The following EPO variants were observed in gnomAD, a reference collection of about 807,000 sequenced individuals.
EPO encodes the protein erythropoietin, also known as epoetin.
In EPO, 12 loss-of-function variants were observed where a neutral mutation model predicts 24.4. The ratio of observed to expected loss-of-function variants is 0.49; its 90% CI spans 0.32 to 0.80. The LOEUF is 0.80. EPO is among the 30% of genes least tolerant of loss of function. The probability of loss-of-function intolerance (pLI) is 0.04; values close to 1 mark genes in which losing one functional copy is unlikely to be tolerated. For synonymous variants in EPO, 107 were observed against 104.0 expected (o/e 1.03, Z -0.18); for missense variants, 210 against 238.0 (o/e 0.88, Z 0.77).
At position 100,720,883 on chromosome 7, in the gene EPO, G is replaced by A. The variant is rs1244211125; in HGVS notation, c.-98G>A. The A allele has an allele frequency of 2.9e-6, 4 of 1,379,368 alleles. No homozygotes were observed. Among genetic ancestry groups the A allele is most frequent in the Non-Finnish European group, 2.8e-6 (3 of 1,059,904 alleles). The allele number at this position is 1,379,368 out of a possible 1,614,324, so 85.4% of individuals were successfully genotyped here. A position where few individuals can be genotyped will look rare whatever the true frequency, so the allele number is the denominator to read the frequency against. On this transcript the variant is annotated 5_prime_UTR_variant, in exon 1 of 5. Coordinates refer to ENST00000252723, the MANE Select transcript of EPO (RefSeq NM_000799.4). ...AGCCGCCCTCTCCTCCAGGCCCGTG[G>A]GGCTGGCCCTGCACCGCCGAGCTTC...
At position 100,722,512 on chromosome 7, in the gene EPO, C is replaced by G. The variant is rs112363946; in HGVS notation, c.247-152C>G. 24 of 15,140 alleles carry G rather than the reference C, an allele frequency of 1.6e-3. 5 individuals carry two copies. The highest frequency in any genetic ancestry group is 2.7e-3 in the Admixed American group (1 of 376). The allele number at this position is 15,140 out of a possible 1,614,324, so 0.9% of individuals were successfully genotyped here. A position where few individuals can be genotyped will look rare whatever the true frequency, so the allele number is the denominator to read the frequency against. On this transcript the variant is annotated intron_variant, in intron 3 of 4. Coordinates refer to ENST00000252723, the MANE Select transcript of EPO (RefSeq NM_000799.4). ...ATGGAATACATTCATTATTCATTCACTCACTCACTCACTCACTCATTCATT... is the reference window on the plus strand; with the variant it reads ...ATGGAATACATTCATTATTCATTCAGTCACTCACTCACTCACTCATTCATT...
Position 100,721,442 on chromosome 7 carries a change from A to T in EPO, c.14-116A>T. Reference sequence around the variant, plus strand: ...AGGGAGGCAGCACCTGAGTGCTTGCATGGTTGGGGACAGGAAGGACGAGCT... The same window carrying T: ...AGGGAGGCAGCACCTGAGTGCTTGCTTGGTTGGGGACAGGAAGGACGAGCT... On this transcript the variant is annotated intron_variant, in intron 1 of 4. Transcript: ENST00000252723. The surrounding 1 kb of genome is among the most constrained non-coding windows in gnomAD (Gnocchi z 4.0). The T allele has an allele frequency of 7.2e-7, 1 of 1,383,612 alleles. No homozygotes were observed. Among genetic ancestry groups the T allele is most frequent in the Non-Finnish European group, 9.8e-7 (1 of 1,021,522 alleles). The allele number at this position is 1,383,612 out of a possible 1,614,324, so 85.7% of individuals were successfully genotyped here.
chr7:100,721,702 C>G lies in EPO; in HGVS notation c.158C>G (p.Thr53Arg), dbSNP rs773895305. Residue 53 changes from threonine to arginine, a missense_variant and splice_region_variant, in exon 2 of 5, where the codon ACG (threonine) becomes AGG (arginine). Transcript: ENST00000252723. The surrounding 1 kb of genome is among the most constrained non-coding windows in gnomAD (Gnocchi z 4.0). ...GAGGCCAAGGAGGCCGAGAATATCA[C>G]GGTGAGACCCCTTCCCCAGCACATT... is the stretch of plus-strand genomic sequence containing the variant. Reference protein sequence around the residue: ...LLEAKEAENITTGCAEHCSLN... With the variant: ...LLEAKEAENIRTGCAEHCSLN... 6.2e-7 allele frequency: 1 copy of G among 1,608,106 alleles called. No homozygotes were observed. Among genetic ancestry groups the G allele is most frequent in the Admixed American group, 1.7e-5 (1 of 59,888 alleles).
chr7:100,722,762 G>C lies in EPO; in HGVS notation c.345G>C (p.Trp115Cys). ...TGTTGGTCAACTCTTCCCAGCCGTG[G>C]GAGCCCCTGCAGCTGCATGTGGATA... is the stretch of plus-strand genomic sequence containing the variant. ...QALLVNSSQP[W>C]EPLQLHVDKA... is the part of the protein sequence containing the mutation. The change falls in exon 4 of 5, where the codon TGG becomes TGC. Residue 115 changes from tryptophan to cysteine, a missense_variant. Physicochemically the swap from Trp to Cys is radical, Grantham distance 215. Transcript: ENST00000252723. 6.2e-7 allele frequency: 1 copy of C among 1,614,028 alleles called. No homozygotes were observed. Among genetic ancestry groups the C allele is most frequent in the Non-Finnish European group, 8.5e-7 (1 of 1,179,984 alleles).
At position 100,721,527 on chromosome 7, in the gene EPO, G is replaced by A. The variant is rs758615230; in HGVS notation, c.14-31G>A. On this transcript the variant is annotated intron_variant, in intron 1 of 4. Transcript: ENST00000252723. This position sits in a 1 kb window ranked among gnomAD's most constrained non-coding sequence, Gnocchi z 4.0. ...TCCACAGCCACCCTTCTCCCTCCCC[G>A]CCTGACTCTCAGCCTGGCTATCTGT... is the stretch of plus-strand genomic sequence containing the variant. 31 of 1,607,112 alleles carry A rather than the reference G, an allele frequency of 1.9e-5. No homozygotes were observed. The highest frequency in any genetic ancestry group is 2.1e-5 in the Non-Finnish European group (25 of 1,176,000).
chr7:100,721,151 C>T lies in EPO; in HGVS notation c.13+158C>T, dbSNP rs900938585. Among the ~76,000 whole-genome samples the T allele has an allele frequency of 5.9e-5, 9 of 152,138 alleles. No individual in the cohort carries two copies. The South Asian group carries it at 1.2e-3, about 21-fold the overall frequency. On this transcript the variant is annotated intron_variant, in intron 1 of 4. Coordinates refer to ENST00000252723, the MANE Select transcript of EPO (RefSeq NM_000799.4). The surrounding 1 kb of genome is among the most constrained non-coding windows in gnomAD (Gnocchi z 4.0). ...GGGGGGTGGGGCAGCCTCCACGTGC[C>T]AGCGGGGACTTGGGGGAGTCCTTGG...
Position 100,723,402 on chromosome 7 carries a change from T to C in EPO, c.*269T>C, listed in dbSNP as rs1252847022. 2.7e-6 allele frequency: 1 copy of C among 368,386 alleles called. No individual in the cohort carries two copies. Among genetic ancestry groups the C allele is most frequent in the Non-Finnish European group, 4.9e-6 (1 of 203,158 alleles). The allele number at this position is 368,386 out of a possible 1,614,324, so 22.8% of individuals were successfully genotyped here. On this transcript the variant is annotated 3_prime_UTR_variant, in exon 5 of 5. Transcript: ENST00000252723. ...AGCTTTAAACTCAGGGACAGAGCCA[T>C]GCTGGGAAGACGCCTGAGCTCACTC...
At position 100,721,944 on chromosome 7, in the gene EPO, G is replaced by T; in HGVS notation, c.160-18G>T. On this transcript the variant is annotated intron_variant, in intron 2 of 4. Coordinates refer to ENST00000252723, the MANE Select transcript of EPO (RefSeq NM_000799.4). This position sits in a 1 kb window ranked among gnomAD's most constrained non-coding sequence, Gnocchi z 4.0. The stretch of plus-strand genomic sequence containing the variant: ...AGCCTTCAGGGACCCTTGACTCCCC[G>T]GGCTGTGTGCATTTCAGACGGGCTG... The T allele has an allele frequency of 1.2e-6, 2 of 1,601,614 alleles. No individual in the cohort carries two copies.
At position 100,721,783 on chromosome 7, in the gene EPO, C is replaced by T; in HGVS notation, c.159+80C>T. ...ACTCCTCCCAGATCCAGGAACCTGG[C>T]ACTTGGTTTGGGGTGGAGTTGGGAA... On this transcript the variant is annotated intron_variant, in intron 2 of 4. Coordinates refer to ENST00000252723, the MANE Select transcript of EPO (RefSeq NM_000799.4). This position sits in a 1 kb window ranked among gnomAD's most constrained non-coding sequence, Gnocchi z 4.0. 6.5e-7 allele frequency: 1 copy of T among 1,544,974 alleles called. No individual in the cohort carries two copies. Among genetic ancestry groups the T allele is most frequent in the Non-Finnish European group, 8.7e-7 (1 of 1,149,960 alleles).
In EPO at chr7:100,723,160, A is replaced by T; in HGVS notation, c.*27A>T. ...CAGGTGTGTCCACCTGGGCATATCC[A>T]CCACCTCCCTCACCAACATTGCTTG... On this transcript the variant is annotated 3_prime_UTR_variant, in exon 5 of 5. Transcript: ENST00000252723. 1 of 1,598,846 alleles carries T rather than the reference A, an allele frequency of 6.3e-7. No homozygotes were observed. Among genetic ancestry groups the T allele is most frequent in the South Asian group, 1.1e-5 (1 of 88,968 alleles).
rs1462635854 is a variant in EPO at position 100,723,105 on chromosome 7, G to A, written c.554G>A (p.Gly185Glu). The change falls in exon 5 of 5, where the codon GGG becomes GAG. Residue 185 changes from glycine to glutamate, a missense_variant. Transcript: ENST00000252723. ...FLRGKLKLYT[G>E]EACRTGDR ...CGGGGAAAGCTGAAGCTGTACACAG[G>A]GGAGGCCTGCAGGACAGGGGACAGA... The A allele has an allele frequency of 6.2e-6, 10 of 1,614,104 alleles. No homozygotes were observed. Among genetic ancestry groups the A allele is most frequent in the Non-Finnish European group, 6.8e-6 (8 of 1,180,036 alleles).
rs914950945 is a variant in EPO, at chr7:100,720,738, G to C, written c.-243G>C. On this transcript the variant is annotated 5_prime_UTR_variant, in exon 1 of 5. Coordinates refer to ENST00000252723, the MANE Select transcript of EPO (RefSeq NM_000799.4). ...AGATAACAGCCCCGACCCCCGGCCA[G>C]AGCCGCAGAGTCCCTGGGCCACCCC... 5.1e-5 allele frequency: 18 copies of C among 353,478 alleles called. No individual in the cohort carries two copies. Among genetic ancestry groups the C allele is most frequent in the Non-Finnish European group, 7.9e-5 (16 of 202,924 alleles). The allele number at this position is 353,478 out of a possible 1,614,324, so 21.9% of individuals were successfully genotyped here.
At position 100,721,296 on chromosome 7, in the gene EPO, G is replaced by A. The variant is rs762341199; in HGVS notation, c.14-262G>A. Among the ~76,000 whole-genome samples, 32 of 152,188 alleles carry A rather than the reference G, an allele frequency of 2.1e-4. No individual in the cohort carries two copies. The highest frequency in any genetic ancestry group is 4.3e-4 in the Non-Finnish European group (29 of 68,036). On this transcript the variant is annotated intron_variant, in intron 1 of 4. Coordinates refer to ENST00000252723, the MANE Select transcript of EPO (RefSeq NM_000799.4). The surrounding 1 kb of genome is among the most constrained non-coding windows in gnomAD (Gnocchi z 4.0). The stretch of plus-strand genomic sequence containing the variant: ...ATAAGCTGATAACCTGGGCGCTGGA[G>A]CCACCACTTATCTGCCAGAGGGGAA...
rs1562901292 is a variant in EPO at position 100,721,411 on chromosome 7, A to G, written c.14-147A>G. On this transcript the variant is annotated intron_variant, in intron 1 of 4. Coordinates refer to ENST00000252723, the MANE Select transcript of EPO (RefSeq NM_000799.4). This position sits in a 1 kb window ranked among gnomAD's most constrained non-coding sequence, Gnocchi z 4.0. Reference sequence around the variant, plus strand: ...GTGCACACGGCAGCAGGATTGAATGAAGGCCAGGGAGGCAGCACCTGAGTG... The same window carrying G: ...GTGCACACGGCAGCAGGATTGAATGGAGGCCAGGGAGGCAGCACCTGAGTG... The G allele has an allele frequency of 1.1e-5, 12 of 1,043,674 alleles. No individual in the cohort carries two copies. Among genetic ancestry groups the G allele is most frequent in the Non-Finnish European group, 1.2e-5 (9 of 733,316 alleles). 64.7% of individuals were successfully genotyped at this position (1,043,674 alleles called of 1,614,324 possible). A position where few individuals can be genotyped will look rare whatever the true frequency, so the allele number is the denominator to read the frequency against.
In EPO at chr7:100,720,969, C is replaced by T. The variant is rs746962384; in HGVS notation, c.-12C>T. The T allele has an allele frequency of 1.8e-5, 29 of 1,570,202 alleles. No individual in the cohort carries two copies. Among genetic ancestry groups the T allele is most frequent in the Non-Finnish European group, 2.4e-5 (28 of 1,160,384 alleles). The stretch of plus-strand genomic sequence containing the variant: ...GCCCCAGGTCGCTGAGGGACCCCGG[C>T]CAGGCGCGGAGATGGGGGTGCACGG... On this transcript the variant is annotated 5_prime_UTR_variant, in exon 1 of 5. Transcript: ENST00000252723.
chr7:100,721,039 T>A lies in EPO; in HGVS notation c.13+46T>A, dbSNP rs1454122381. ...CGCTCCCGCCCGCCCGGGTCCCTGTTTGAGCGGGGATTTAGCGCCCCGGCT... is the reference window on the plus strand; with the variant it reads ...CGCTCCCGCCCGCCCGGGTCCCTGTATGAGCGGGGATTTAGCGCCCCGGCT... On this transcript the variant is annotated intron_variant, in intron 1 of 4. Coordinates refer to ENST00000252723, the MANE Select transcript of EPO (RefSeq NM_000799.4). This position sits in a 1 kb window ranked among gnomAD's most constrained non-coding sequence, Gnocchi z 4.0. 3.3e-6 allele frequency: 5 copies of A among 1,525,562 alleles called. No homozygotes were observed. The highest frequency in any genetic ancestry group is 4.4e-6 in the Non-Finnish European group (5 of 1,136,512). 94.5% of individuals were successfully genotyped at this position (1,525,562 alleles called of 1,614,324 possible).
In EPO at chr7:100,722,724, C is replaced by T. The variant is rs367645892; in HGVS notation, c.307C>T (p.Arg103Trp). 1.5e-5 allele frequency: 24 copies of T among 1,613,280 alleles called. No homozygotes were observed. Among genetic ancestry groups the T allele is most frequent in the East Asian group, 8.9e-5 (4 of 44,834 alleles). Residue 103 changes from arginine to tryptophan, a missense_variant, in exon 4 of 5, where the codon CGG becomes TGG. Physicochemically the swap from Arg to Trp is moderately radical, Grantham distance 101. Transcript: ENST00000252723. ...GLALLSEAVL[R>W]GQALLVNSSQ... ...GGCCCTGCTGTCGGAAGCTGTCCTG[C>T]GGGGCCAGGCCCTGTTGGTCAACTC...
rs1417668345 is a variant in EPO, at chr7:100,720,631, C to G, written c.-350C>G. Among the ~76,000 whole-genome samples, 1 of 152,166 alleles carries G rather than the reference C, an allele frequency of 6.6e-6. No individual in the cohort carries two copies. The highest frequency in any genetic ancestry group is 1.5e-5 in the Non-Finnish European group (1 of 68,026). ...TCAACCCAGGCGTCCTGCCCCTGCTCTGACCCCGGGTGGCCCCTACCCCTG... is the reference window on the plus strand; with the variant it reads ...TCAACCCAGGCGTCCTGCCCCTGCTGTGACCCCGGGTGGCCCCTACCCCTG... On this transcript the variant is annotated 5_prime_UTR_variant, in exon 1 of 5. Coordinates refer to ENST00000252723, the MANE Select transcript of EPO (RefSeq NM_000799.4).
rs111249118 is a variant in EPO, at chr7:100,722,057, C to CTT, written c.246+23_246+24dup. 2,006 of 1,372,718 alleles carry CTT rather than the reference C, an allele frequency of 1.5e-3. No homozygotes were observed. The highest frequency in any genetic ancestry group is 1.6e-3 in the Non-Finnish European group (1,577 of 1,010,374). The allele number at this position is 1,372,718 out of a possible 1,614,324, so 85.0% of individuals were successfully genotyped here. ...CCTGGAAGAGGATGGAGGTGAGTTCCTTTTTTTTTTTTTTTCCTTTCTTTT... is the reference window on the plus strand; with the variant it reads ...CCTGGAAGAGGATGGAGGTGAGTTCCTTTTTTTTTTTTTTTTTCCTTTCTTTT... On this transcript the variant is annotated intron_variant, in intron 3 of 4. Transcript: ENST00000252723.
Sources: gnomAD v4.1 joint callset for allele counts (sites outside exome capture counted in the v4.1 genomes callset) on GRCh38, gnomAD v4.1.1 for gene constraint, Gnocchi (gnomAD v3.1) non-coding constraint, MANE v1.5 for transcripts, NCBI Gene and HGNC (gene_info 2026-07-23, HGNC 2026-07-21) for gene names.